The following ZNG1E variants were observed in gnomAD, a reference collection of about 807,000 sequenced individuals.
ZNG1E encodes zinc-regulated GTPase metalloprotein activator 1E.
chr9:65,662,442 T>C, the ZNG1E span, among the ~76,000 whole-genome samples: 1 of 152,370 alleles, frequency 6.6e-6, no homozygotes, highest in African/African-American at 2.4e-5. Context: ...TCGACGCTCA[T>C]TACCTGCTTT....
the ZNG1E span, among the ~76,000 whole-genome samples, chr9:65,678,585 C>T: frequency 6.8e-6 from 1 of 146,164 alleles, no homozygotes; most frequent in Non-Finnish European, 1.5e-5. Context: ...AGTTGAACTA[C>T]AATACTATGC....
At chr9:65,657,470 A>G in the ZNG1E span, among the ~76,000 whole-genome samples, 2 of 152,212 alleles carry the variant, frequency 1.3e-5, no homozygotes, top group Non-Finnish European at 2.9e-5. Flanking sequence ...AGCCAGGCCC[A>G]AAAAAACAAA....
the ZNG1E span, among the ~76,000 whole-genome samples, chr9:65,687,614 A>T: frequency 5.2e-3 from 783 of 150,578 alleles, no homozygotes; most frequent in African/African-American, 0.017. Context: ...ATAGTCTCTG[A>T]GTTTCAATGC....
chr9:65,672,638 G>T, the ZNG1E span, among the ~76,000 whole-genome samples: 16 of 151,220 alleles, frequency 1.1e-4, no homozygotes, highest in Non-Finnish European at 7.4e-5. Flanking sequence ...CAGCTACTCA[G>T]GAAGCTGAGG....
At chr9:65,710,753 T>C in the ZNG1E span, among the ~76,000 whole-genome samples, 7 of 149,644 alleles carry the variant, frequency 4.7e-5, no homozygotes, top group Non-Finnish European at 6.0e-5. Flanking sequence ...TTTTGGTTAC[T>C]GTAGCCTTGT....
At chr9:65,709,290 A>C in the ZNG1E span, among the ~76,000 whole-genome samples, 85 of 150,410 alleles carry the variant, frequency 5.7e-4, no homozygotes, top group African/African-American at 2.1e-3. Flanking sequence ...TTTTCACACA[A>C]ATAACTCTCT....
At chr9:65,698,925 A>C in the ZNG1E span, among the ~76,000 whole-genome samples, 1 of 143,868 alleles carries the variant, frequency 7.0e-6, no homozygotes, top group Admixed American at 7.0e-5. Flanking sequence ...TTTGAGACAG[A>C]ATCTCACTCT....
the ZNG1E span, among the ~76,000 whole-genome samples, chr9:65,687,160 C>T: frequency 6.3e-5 from 9 of 141,788 alleles, no homozygotes; most frequent in East Asian, 1.8e-3. Context: ...AAACAGGTGA[C>T]TGTTCCTTTC....
At chr9:65,659,271 T>C in the ZNG1E span, among the ~76,000 whole-genome samples, 1 of 151,344 alleles carries the variant, frequency 6.6e-6, no homozygotes, top group Non-Finnish European at 1.5e-5. Flanking sequence ...GCGAGGAGGA[T>C]GGATCACCAG....
chr9:65,658,514 A>C, the ZNG1E span, among the ~76,000 whole-genome samples: 1 of 151,876 alleles, frequency 6.6e-6, no homozygotes, highest in Non-Finnish European at 1.5e-5. Flanking sequence ...GAAAGGAAAT[A>C]ATCAATAAAA....
At chr9:65,680,875 G>A in the ZNG1E span, among the ~76,000 whole-genome samples, 20 of 152,112 alleles carry the variant, frequency 1.3e-4, no homozygotes, top group East Asian at 9.6e-4. Context: ...TGCAACCTCC[G>A]CCTCCCGGGT....
At chr9:65,659,494 CAAAAAA>C in the ZNG1E span, among the ~76,000 whole-genome samples, 1 of 113,956 alleles carries the variant, frequency 8.8e-6, no homozygotes, top group East Asian at 2.5e-4. Context: ...GACTCCGTCT[CAAAAAA>C]AAAAAAAAAA....
chr9:65,660,828 GATATATATAT>G, the ZNG1E span, among the ~76,000 whole-genome samples: 604 of 129,956 alleles, frequency 4.6e-3, 2 homozygotes, highest in East Asian at 0.018. Flanking sequence ...TGGTTATACA[GATATATATAT>G]ATATATATAT....
At chr9:65,660,406 T>C in the ZNG1E span, among the ~76,000 whole-genome samples, 6 of 148,604 alleles carry the variant, frequency 4.0e-5, no homozygotes, top group African/African-American at 1.5e-4. Context: ...TGAGTAGGAA[T>C]GAAAAAAGAA....
the ZNG1E span, chr9:65,704,816 C>G: frequency 1.2e-5 from 1 of 81,048 alleles, no homozygotes; most frequent in South Asian, 6.6e-4. Context: ...GAGGCTGAGG[C>G]AGGAGAATGG....
At chr9:65,695,697 T>TTATG in the ZNG1E span, among the ~76,000 whole-genome samples, 1 of 125,060 alleles carries the variant, frequency 8.0e-6, no homozygotes, top group Admixed American at 8.2e-5. Flanking sequence ...TCTCCATGAC[T>TTATG]TATGCATCTT....
At chr9:65,719,769 A>T in the ZNG1E span, 2 of 392,172 alleles carry the variant, frequency 5.1e-6, no homozygotes, top group East Asian at 7.8e-5. Context: ...GACATATTTA[A>T]CCATACAAAA....
At chr9:65,704,858 C>G in the ZNG1E span, 1 of 88,812 alleles carries the variant, frequency 1.1e-5, no homozygotes, top group African/African-American at 4.7e-5. Flanking sequence ...TTGCAGTGAG[C>G]TGAGATCGCA....
the ZNG1E span, chr9:65,719,460 T>C: frequency 7.6e-6 from 1 of 131,686 alleles, no homozygotes; most frequent in Non-Finnish European, 1.6e-5. Context: ...TTATGCCATG[T>C]TGATCTTCTT....
Sources: gnomAD v4.1 joint callset for allele counts (sites outside exome capture counted in the v4.1 genomes callset) on GRCh38, gnomAD v4.1.1 for gene constraint, MANE v1.5 for transcripts, NCBI Gene and HGNC (gene_info 2026-07-23, HGNC 2026-07-21) for gene names.